KCND3: variants seen among roughly 807,000 people sequenced by gnomAD.
KCND3 encodes A-type voltage-gated potassium channel KCND3.
KCND3 carries 9 observed loss-of-function variants against 51.1 expected under a neutral mutation model. That is an observed-to-expected ratio of 0.18 (90% CI 0.11 to 0.31). KCND3 has a LOEUF of 0.31. Among genes scored for constraint, KCND3 ranks in the 10% least tolerant of loss-of-function variants. The probability of loss-of-function intolerance (pLI) is 1.00; values close to 1 mark genes in which losing one functional copy is unlikely to be tolerated. For missense variants in KCND3, 526 were observed against 903.8 expected, an observed-to-expected ratio of 0.58 and a Z score of 5.36; for synonymous variants, 349 against 368.0, an observed-to-expected ratio of 0.95 and a Z score of 0.59.
intron 2 of KCND3, among the ~76,000 whole-genome samples, chr1:111,958,077 A>G (rs1281094734): frequency 2.0e-5 from 3 of 152,116 alleles, no homozygotes; most frequent in African/African-American, 7.2e-5. Flanking sequence ...ATGGATAATG[A>G]CCCTGAGCCC....
intron 2 of KCND3, among the ~76,000 whole-genome samples, chr1:111,842,710 A>G (rs1667382315): frequency 6.6e-6 from 1 of 152,114 alleles, no homozygotes. Flanking sequence ...TGCCTTTCCA[A>G]CTCAGTTGTG....
intron 2 of KCND3, among the ~76,000 whole-genome samples, chr1:111,863,322 T>C (rs1668414918): frequency 1.5e-5 from 1 of 64,840 alleles, no homozygotes; most frequent in African/African-American, 4.7e-5. Flanking sequence ...CCTATTTGTC[T>C]AGGAAACAGT....
chr1:111,791,056 C>T (rs1664804015), intron 2 of KCND3, among the ~76,000 whole-genome samples: 1 of 152,178 alleles, frequency 6.6e-6, no homozygotes, highest in African/African-American at 2.4e-5. Context: ...TTTGTGTGGA[C>T]ACGTTTTCAT....
chr1:111,928,156 G>T (rs1671801229), intron 2 of KCND3, among the ~76,000 whole-genome samples: 1 of 152,094 alleles, frequency 6.6e-6, no homozygotes, highest in South Asian at 2.1e-4. Flanking sequence ...GTTCCATGAG[G>T]GTAGGAATTT....
rs965649464 is a variant in KCND3 at position 111,776,791 on chromosome 1, G to GT, written c.1766+234dup. Among the ~76,000 whole-genome samples, 2,058 of 147,652 alleles carry GT rather than the reference G, an allele frequency of 0.014. 35 individuals carry two copies. Among genetic ancestry groups the GT allele is most frequent in the African/African-American group, 0.046 (1,854 of 40,402 alleles). Reference sequence around the variant, plus strand: ...ATGTATATATATAATTATTTTTAAAGTTTTTTTTTTTCCCTGTTACCTATT... The same window carrying GT: ...ATGTATATATATAATTATTTTTAAAGTTTTTTTTTTTTCCCTGTTACCTATT... On this transcript the variant is annotated intron_variant, in intron 7 of 7. Coordinates refer to ENST00000302127, the MANE Select transcript of KCND3 (RefSeq NM_001378969.1).
At chr1:111,899,727 G>C (rs189155156) in intron 2 of KCND3, among the ~76,000 whole-genome samples, 1 of 152,284 alleles carries the variant, frequency 6.6e-6, no homozygotes, top group East Asian at 1.9e-4. Flanking sequence ...TGTCAGCATA[G>C]GGCAGTTGCA....
At chr1:111,930,917 A>C (rs947128115) in intron 2 of KCND3, among the ~76,000 whole-genome samples, 12 of 152,230 alleles carry the variant, frequency 7.9e-5, no homozygotes, top group Non-Finnish European at 2.9e-5. Context: ...GCGATGCTAC[A>C]AGGTCATTCT....
chr1:111,989,170 A>G (rs1675483610), intron 1 of KCND3: 1 of 152,306 alleles, frequency 6.6e-6, no homozygotes, highest in Non-Finnish European at 1.5e-5. Context: ...CCCCTCACCA[A>G]GAGCGGGGAC....
At chr1:111,929,451 G>T (rs1209894654) in intron 2 of KCND3, among the ~76,000 whole-genome samples, 2 of 152,168 alleles carry the variant, frequency 1.3e-5, no homozygotes, top group Non-Finnish European at 2.9e-5. Flanking sequence ...ATCATCAGTG[G>T]CACTATCGAG....
At chr1:111,930,491 G>A (rs1253102923) in intron 2 of KCND3, among the ~76,000 whole-genome samples, 3 of 152,220 alleles carry the variant, frequency 2.0e-5, no homozygotes, top group Non-Finnish European at 4.4e-5. Context: ...TGTCTGAGCA[G>A]TAGACCAAGA....
intron 2 of KCND3, among the ~76,000 whole-genome samples, chr1:111,875,127 G>A (rs904656822): frequency 1.3e-5 from 2 of 152,256 alleles, no homozygotes; most frequent in African/African-American, 4.8e-5. Context: ...GAGGGTTGAA[G>A]CTGTTCTAGG....
At chr1:111,805,048 T>C (rs562513633) in intron 2 of KCND3, among the ~76,000 whole-genome samples, 2 of 152,080 alleles carry the variant, frequency 1.3e-5, no homozygotes, top group South Asian at 4.2e-4. Context: ...GGGTGGCGGG[T>C]GGATCACATA....
chr1:111,830,093 T>C (rs934680838), intron 2 of KCND3, among the ~76,000 whole-genome samples: 1 of 152,226 alleles, frequency 6.6e-6, no homozygotes, highest in Non-Finnish European at 1.5e-5. Flanking sequence ...TAGATCTATA[T>C]TCATTTATTA....
intron 2 of KCND3, among the ~76,000 whole-genome samples, chr1:111,923,980 C>A (rs866250211): frequency 6.6e-6 from 1 of 152,182 alleles, no homozygotes; most frequent in South Asian, 2.1e-4. Flanking sequence ...TTCAATCATG[C>A]AGGAATTCAG....
intron 2 of KCND3, among the ~76,000 whole-genome samples, chr1:111,890,155 C>T (rs552758705): frequency 6.6e-6 from 1 of 152,262 alleles, no homozygotes; most frequent in African/African-American, 2.4e-5. Flanking sequence ...AAAATATGCT[C>T]TGCCTTAAGT....
At chr1:111,855,365 T>C (rs35725876) in intron 2 of KCND3, among the ~76,000 whole-genome samples, 15,467 of 152,264 alleles carry the variant, frequency 0.1, 1,313 homozygotes, top group East Asian at 0.41. Context: ...CCCCCTCATC[T>C]TCCAAGGTCA....
intron 2 of KCND3, among the ~76,000 whole-genome samples, chr1:111,876,282 T>C (rs1423446058): frequency 6.6e-6 from 1 of 152,232 alleles, no homozygotes; most frequent in African/African-American, 2.4e-5. Context: ...GAATTCTACA[T>C]TCTATAATTC....
At position 111,851,027 on chromosome 1, in the gene KCND3, T is replaced by C. The variant is rs530005749; in HGVS notation, c.1107-63921A>G. 2.0e-5 allele frequency among the ~76,000 whole-genome samples: 3 copies of C among 152,284 alleles called. No individual in the cohort carries two copies. In the South Asian group the frequency reaches 6.2e-4, roughly 32 times the overall value. Reference sequence around the variant, plus strand: ...TGCAGCTGTTTAGGTCCCTATAATGTCCTTAGAATCATTCCCACTGACCTA... The same window carrying C: ...TGCAGCTGTTTAGGTCCCTATAATGCCCTTAGAATCATTCCCACTGACCTA... On this transcript the variant is annotated intron_variant, in intron 2 of 7. Coordinates refer to ENST00000302127, the MANE Select transcript of KCND3 (RefSeq NM_001378969.1).
At chr1:111,873,284 C>T (rs1156247470) in intron 2 of KCND3, among the ~76,000 whole-genome samples, 1 of 152,198 alleles carries the variant, frequency 6.6e-6, no homozygotes, top group Non-Finnish European at 1.5e-5. Context: ...CAAGAACAGA[C>T]CCTGCCCTCA....
Sources: gnomAD v4.1 joint callset for allele counts (sites outside exome capture counted in the v4.1 genomes callset) on GRCh38, gnomAD v4.1.1 for gene constraint, MANE v1.5 for transcripts, NCBI Gene and HGNC (gene_info 2026-07-23, HGNC 2026-07-21) for gene names.